The following C2orf80 variants were observed in gnomAD, a reference collection of about 807,000 sequenced individuals.
The protein encoded by C2orf80 is chromosome 2 open reading frame 80.
In C2orf80, 28 loss-of-function variants were observed where a neutral mutation model predicts 30.2. The observed-to-expected ratio is 0.93, with a 90% CI of 0.69 to 1.27. C2orf80 has a LOEUF of 1.27. C2orf80 is among the 50% of genes most tolerant of loss of function. The probability of loss-of-function intolerance (pLI) is 0.00; values close to 1 mark genes in which losing one functional copy is unlikely to be tolerated. For missense variants in C2orf80, 220 were observed against 231.0 expected (o/e 0.95, Z 0.31); for synonymous variants, 80 against 76.4 (o/e 1.05, Z -0.24).
At chr2:208,173,612 G>A (rs971481855) in intron 6 of C2orf80, among the ~76,000 whole-genome samples, 10 of 129,544 alleles carry the variant, frequency 7.7e-5, no homozygotes, top group African/African-American at 1.4e-4. Context: ...GCGAGAGAGC[G>A]AGACTCCATC....
At position 208,170,975 on chromosome 2, in the gene C2orf80, T is replaced by G; in HGVS notation, c.543A>C (p.Gln181His). ...GCTTTGGCTGTGTGTCTGAAAACCTTTGTGATGATTTCCATTCTGTGGCAT... is the reference window on the plus strand; with the variant it reads ...GCTTTGGCTGTGTGTCTGAAAACCTGTGTGATGATTTCCATTCTGTGGCAT... ...EANATEWKSSQRFSDTQPKHK... is the reference protein window; with the variant it reads ...EANATEWKSSHRFSDTQPKHK... Residue 181 changes from glutamine (Q) to histidine (H), a missense_variant, in exon 8 of 9, where the codon CAA becomes CAC. By Grantham distance (24) the Gln-to-His change is conservative (BLOSUM62 0). Transcript: ENST00000341287. 1 of 1,614,090 alleles carries G rather than the reference T, an allele frequency of 6.2e-7. No homozygotes were observed. Among genetic ancestry groups the G allele is most frequent in the Non-Finnish European group, 8.5e-7 (1 of 1,179,930 alleles).
At chr2:208,176,298 C>A (rs564270459) in intron 6 of C2orf80, among the ~76,000 whole-genome samples, 95 of 152,242 alleles carry the variant, frequency 6.2e-4, no homozygotes, top group African/African-American at 2.3e-3. Context: ...GCCTCAGCCT[C>A]CTGAGTAGCT....
intron 6 of C2orf80, among the ~76,000 whole-genome samples, chr2:208,177,105 G>C (rs925504550): frequency 5.2e-5 from 6 of 116,310 alleles, no homozygotes; most frequent in African/African-American, 2.0e-4. Context: ...TAGTAGTATA[G>C]TAATCAATGG....
chr2:208,182,713 AC>A (rs1345532043), intron 4 of C2orf80, among the ~76,000 whole-genome samples: 1 of 152,208 alleles, frequency 6.6e-6, no homozygotes, highest in African/African-American at 2.4e-5. Flanking sequence ...TTAAGACACA[AC>A]ATTCTGTGCA....
At chr2:208,187,188 A>G in intron 1 of C2orf80, 127 bp from the exon 2 acceptor site, 1 of 538,024 alleles carries the variant, frequency 1.9e-6, no homozygotes, top group Admixed American at 3.3e-5. Context: ...CGGCAGGTTC[A>G]GGGTCAAAAA....
Position 208,186,949 on chromosome 2 carries a change from A to C in C2orf80, c.38T>G (p.Leu13Arg), listed in dbSNP as rs1242304934. ...AGTTATTCTCAGTCATACTTACAAGAGCTTTTTCATTTCCTTCTTTATGAG... is the reference window on the plus strand; with the variant it reads ...AGTTATTCTCAGTCATACTTACAAGCGCTTTTTCATTTCCTTCTTTATGAG... ...RRLIKKEMKK[L>R]LGDYIGIRLR... Residue 13 changes from leucine to arginine, a missense_variant, in exon 2 of 9, where the codon CTC becomes CGC. Physicochemically the swap from Leu to Arg is moderately radical, Grantham distance 102. Transcript: ENST00000341287. The C allele has an allele frequency of 6.2e-7, 1 of 1,613,634 alleles. No individual in the cohort carries two copies. Among genetic ancestry groups the C allele is most frequent in the African/African-American group, 1.3e-5 (1 of 74,916 alleles).
intron 8 of C2orf80, among the ~76,000 whole-genome samples, chr2:208,169,269 T>TTGTGTGTGTG (rs10658929): frequency 0.028 from 3,804 of 137,988 alleles, 103 homozygotes; most frequent in African/African-American, 0.065. Flanking sequence ...AAAGTCTAGA[T>TTGTGTGTGTG]TGTGTGTGTG....
At chr2:208,177,097 G>C (rs2105903144) in intron 6 of C2orf80, among the ~76,000 whole-genome samples, 1 of 131,136 alleles carries the variant, frequency 7.6e-6, no homozygotes, top group South Asian at 2.4e-4. Context: ...TACATATATA[G>C]TAGTATAGTA....
intron 6 of C2orf80, among the ~76,000 whole-genome samples, chr2:208,173,246 T>A (rs182510504): frequency 6.6e-6 from 1 of 151,988 alleles, no homozygotes; most frequent in African/African-American, 2.4e-5. Flanking sequence ...GTTAGCTATG[T>A]GCAGCAGTAT....
chr2:208,173,400 A>G (rs1328754578), intron 6 of C2orf80, among the ~76,000 whole-genome samples: 3 of 152,146 alleles, frequency 2.0e-5, no homozygotes, highest in African/African-American at 4.8e-5. Context: ...CAAGGCGGGC[A>G]GATCACAAGG....
At chr2:208,179,499 C>T (rs181363800) in intron 6 of C2orf80, among the ~76,000 whole-genome samples, 38 of 152,294 alleles carry the variant, frequency 2.5e-4, no homozygotes, top group Admixed American at 5.2e-4. Flanking sequence ...GGCGTGAGGA[C>T]GTTGGTGCCC....
At chr2:208,182,576 T>C (rs1003946826) in intron 4 of C2orf80, among the ~76,000 whole-genome samples, 5 of 152,152 alleles carry the variant, frequency 3.3e-5, no homozygotes, top group African/African-American at 1.2e-4. Flanking sequence ...AATTTTTGTA[T>C]TTTTAATAGA....
intron 8 of C2orf80, among the ~76,000 whole-genome samples, chr2:208,170,324 C>T (rs1317829912): frequency 6.6e-6 from 1 of 152,198 alleles, no homozygotes; most frequent in Non-Finnish European, 1.5e-5. Flanking sequence ...TTGCACATTA[C>T]AGCTGAGAGC....
chr2:208,167,396 C>T (rs1169306835), intron 8 of C2orf80, among the ~76,000 whole-genome samples: 2 of 151,300 alleles, frequency 1.3e-5, no homozygotes, highest in Non-Finnish European at 2.9e-5. Context: ...GTGGTGCACA[C>T]CTGTAATCCC....
intron 1 of C2orf80, among the ~76,000 whole-genome samples, chr2:208,187,374 A>G (rs1696749197): frequency 6.6e-6 from 1 of 152,182 alleles, no homozygotes; most frequent in African/African-American, 2.4e-5. Flanking sequence ...CATCCAAACT[A>G]GATGGATGTG....
At chr2:208,179,054 C>T (rs909744530) in intron 6 of C2orf80, among the ~76,000 whole-genome samples, 2 of 152,112 alleles carry the variant, frequency 1.3e-5, no homozygotes, top group African/African-American at 2.4e-5. Flanking sequence ...CCACTGCAAA[C>T]GGCCTGCAAA....
At position 208,171,201 on chromosome 2, in the gene C2orf80, A is replaced by G. The variant is rs1696087989; in HGVS notation, c.455-138T>C. The G allele has an allele frequency of 7.7e-6, 5 of 648,826 alleles. No homozygotes were observed. In the East Asian group the frequency reaches 1.4e-4, roughly 18 times the overall value. 40.2% of individuals were successfully genotyped at this position (648,826 alleles called of 1,614,324 possible). A position where few individuals can be genotyped will look rare whatever the true frequency, so the allele number is the denominator to read the frequency against. ...CACTTTGTCACTCAGGCTGGAGTGC[A>G]GTGGTTCCATCACGGCTCATTGCAG... On this transcript the variant is annotated intron_variant, in intron 7 of 8. Transcript: ENST00000341287.
intron 2 of C2orf80, among the ~76,000 whole-genome samples, chr2:208,185,600 G>A (rs922771814): frequency 1.1e-4 from 16 of 152,256 alleles, no homozygotes; most frequent in African/African-American, 3.9e-4. Flanking sequence ...TAAGCACCAT[G>A]AGGAGAGAAG....
intron 6 of C2orf80, among the ~76,000 whole-genome samples, chr2:208,177,410 G>T (rs945811827): frequency 6.6e-6 from 1 of 151,942 alleles, no homozygotes; most frequent in Non-Finnish European, 1.5e-5. Context: ...GCGTGGTAAC[G>T]CATGCCTGTA....
Sources: allele counts gnomAD v4.1 joint callset (sites outside exome capture counted in the v4.1 genomes callset), GRCh38; gene constraint gnomAD v4.1.1; transcripts MANE v1.5; gene names NCBI Gene and HGNC (gene_info 2026-07-23, HGNC 2026-07-21).